CEP112: variants seen among roughly 807,000 people sequenced by gnomAD.
The protein encoded by CEP112 is centrosomal protein of 112 kDa.
Under a neutral mutation model 153.0 loss-of-function variants are expected in CEP112, and 127 were observed. The observed-to-expected ratio is 0.83, with a 90% CI of 0.72 to 0.96. CEP112 has a LOEUF of 0.96. Ranked by LOEUF, CEP112 falls within the 40% of genes least tolerant of loss-of-function variation. The pLI is 0.00. For missense variants in CEP112, 1,089 were observed against 1,101.2 expected (o/e 0.99, Z 0.16); for synonymous variants, 358 against 374.4 (o/e 0.96, Z 0.51).
intron 21 of CEP112, among the ~76,000 whole-genome samples, chr17:65,776,240 C>T (rs1021066191): frequency 1.3e-5 from 2 of 150,640 alleles, no homozygotes; most frequent in Middle Eastern, 3.2e-3. Context: ...CCGCCCCCAT[C>T]CCCTTTTTTT....
intron 21 of CEP112, among the ~76,000 whole-genome samples, chr17:65,780,861 A>G (rs1403040116): frequency 6.6e-6 from 1 of 152,136 alleles, no homozygotes; most frequent in Admixed American, 6.5e-5. Context: ...ATAAGCTTTG[A>G]ATCTAGGCAT....
chr17:65,653,684 G>A (rs1481585951), intron 24 of CEP112, among the ~76,000 whole-genome samples: 1 of 152,178 alleles, frequency 6.6e-6, no homozygotes, highest in Non-Finnish European at 1.5e-5. Context: ...GGAATGTGGA[G>A]GATGTTTCTG....
chr17:65,983,342 C>T (rs1599254506), intron 17 of CEP112, among the ~76,000 whole-genome samples: 1 of 152,136 alleles, frequency 6.6e-6, no homozygotes, highest in Non-Finnish European at 1.5e-5. Context: ...ACCGCACGCC[C>T]GCCATGTAAT....
Position 65,706,359 on chromosome 17 carries a change from G to T in CEP112, c.2608-17141C>A, listed in dbSNP as rs546499005. Among the ~76,000 whole-genome samples the T allele has an allele frequency of 2.0e-5, 3 of 152,300 alleles. No homozygotes were observed. The South Asian group carries it at 6.2e-4, about 32-fold the overall frequency. ...GGTGTGCTCAGGACACCCTGGTGCA[G>T]TCCCTGGAGCAGGACCTGGAATATG... On this transcript the variant is annotated intron_variant, in intron 23 of 26. Transcript: ENST00000535342.
intron 24 of CEP112, among the ~76,000 whole-genome samples, chr17:65,677,298 G>A (rs558760499): frequency 6.6e-6 from 1 of 152,274 alleles, no homozygotes; most frequent in Non-Finnish European, 1.5e-5. Context: ...TATACTGAGA[G>A]CTAAGTACGT....
At chr17:66,138,535 A>G (rs2070540887) in intron 4 of CEP112, among the ~76,000 whole-genome samples, 1 of 152,254 alleles carries the variant, frequency 6.6e-6, no homozygotes, top group South Asian at 2.1e-4. Flanking sequence ...ATGAATACAG[A>G]ATATTAAAAG....
chr17:65,876,394 A>G (rs60750289), intron 20 of CEP112, among the ~76,000 whole-genome samples: 21,667 of 152,134 alleles, frequency 0.14, 1,587 homozygotes, highest in African/African-American at 0.17. Context: ...AGTTCTAATA[A>G]AGGCATTTTT....
At chr17:66,063,136 T>C (rs2066989403) in intron 10 of CEP112, 55 bp from the exon 11 acceptor site, 3 of 798,728 alleles carry the variant, frequency 3.8e-6, no homozygotes, top group African/African-American at 1.8e-5. Context: ...TAGAGTTTGA[T>C]GATATAAAAT....
intron 24 of CEP112, among the ~76,000 whole-genome samples, chr17:65,667,677 A>G (rs894322632): frequency 2.0e-5 from 3 of 152,214 alleles, no homozygotes; most frequent in Non-Finnish European, 2.9e-5. Flanking sequence ...GGTATATAGT[A>G]TTTTAAATTT....
intron 18 of CEP112, among the ~76,000 whole-genome samples, chr17:65,937,562 G>T (rs1599074980): frequency 9.8e-6 from 1 of 102,222 alleles, no homozygotes; most frequent in African/African-American, 3.5e-5. Flanking sequence ...GTCCGGGAGG[G>T]AGGTGGGGGG....
At chr17:65,664,889 A>T (rs545871979) in intron 24 of CEP112, among the ~76,000 whole-genome samples, 5 of 152,210 alleles carry the variant, frequency 3.3e-5, no homozygotes, top group Admixed American at 2.6e-4. Flanking sequence ...GAAATCCAAG[A>T]TCAGGGTACC....
At chr17:66,161,670 C>T (rs2071713100) in intron 4 of CEP112, among the ~76,000 whole-genome samples, 1 of 151,896 alleles carries the variant, frequency 6.6e-6, no homozygotes, top group African/African-American at 2.4e-5. Context: ...ACATCACACA[C>T]CGGGTCTGTC....
chr17:66,067,382 C>T (rs1455059427), intron 9 of CEP112, among the ~76,000 whole-genome samples: 1 of 152,146 alleles, frequency 6.6e-6, no homozygotes, highest in Non-Finnish European at 1.5e-5. Flanking sequence ...GTTAGGGATT[C>T]TTTTTCTCAG....
chr17:66,184,797 G>A (rs76365991), intron 1 of CEP112, among the ~76,000 whole-genome samples: 195 of 151,660 alleles, frequency 1.3e-3, no homozygotes, highest in African/African-American at 4.6e-3. Flanking sequence ...ATCCAAATGT[G>A]ATTTTTTTTA....
At chr17:65,680,804 G>C (rs914596128) in intron 24 of CEP112, among the ~76,000 whole-genome samples, 3 of 152,210 alleles carry the variant, frequency 2.0e-5, no homozygotes, top group South Asian at 2.1e-4. Context: ...AATCATGGCG[G>C]AAGGGGAAGC....
chr17:65,849,327 C>T (rs373175968), intron 21 of CEP112, among the ~76,000 whole-genome samples: 1 of 152,196 alleles, frequency 6.6e-6, no homozygotes, highest in East Asian at 1.9e-4. Context: ...TCCCCAAATT[C>T]ACACTGTCTT....
intron 1 of CEP112, 126 bp from the exon 2 acceptor site, chr17:66,183,433 TA>T (rs1285146526): frequency 1.8e-6 from 1 of 553,334 alleles, no homozygotes; most frequent in African/African-American, 1.9e-5. Context: ...CCTGTAGATT[TA>T]ATGCAACTCC....
At chr17:65,900,629 A>T (rs10221194) in intron 20 of CEP112, among the ~76,000 whole-genome samples, 50,494 of 152,040 alleles carry the variant, frequency 0.33, 10,528 homozygotes, top group Middle Eastern at 0.48. Flanking sequence ...CCATTATACA[A>T]TTCTACTATG....
chr17:66,097,305 T>C (rs898640817), intron 6 of CEP112, among the ~76,000 whole-genome samples: 4 of 152,152 alleles, frequency 2.6e-5, no homozygotes, highest in Admixed American at 2.6e-4. Context: ...TCAAGACTTG[T>C]AGTTTAAAAA....
Sources: gnomAD v4.1 joint callset for allele counts (sites outside exome capture counted in the v4.1 genomes callset) on GRCh38, gnomAD v4.1.1 for gene constraint, MANE v1.5 for transcripts, NCBI Gene and HGNC (gene_info 2026-07-23, HGNC 2026-07-21) for gene names.